Variants in ZMYND8 observed in about 807,000 individuals in gnomAD.
ZMYND8 encodes the protein MYND-type zinc finger-containing chromatin reader ZMYND8.
ZMYND8 carries 37 observed loss-of-function variants against 140.8 expected under a neutral mutation model. The ratio of observed to expected loss-of-function variants is 0.26; its 90% CI spans 0.20 to 0.35. ZMYND8 has a LOEUF of 0.35. ZMYND8 is among the 10% of genes least tolerant of loss of function. The probability of loss-of-function intolerance (pLI) is 1.00; values close to 1 mark genes in which losing one functional copy is unlikely to be tolerated. For synonymous variants in ZMYND8, 592 were observed against 597.1 expected, an observed-to-expected ratio of 0.99 and a Z score of 0.12; for missense variants, 1,068 against 1,570.0, an observed-to-expected ratio of 0.68 and a Z score of 5.40.
At chr20:47,325,140 G>A (rs2080307441) in intron 2 of ZMYND8, among the ~76,000 whole-genome samples, 1 of 152,106 alleles carries the variant, frequency 6.6e-6, no homozygotes, top group Non-Finnish European at 1.5e-5. Context: ...CCTGACCTCA[G>A]GTGATTCACC....
intron 21 of ZMYND8, among the ~76,000 whole-genome samples, chr20:47,215,335 T>C (rs1464309687): frequency 1.3e-5 from 2 of 152,142 alleles, no homozygotes; most frequent in South Asian, 4.1e-4. Context: ...ATTGCACCAC[T>C]GCACTCCAGC....
chr20:47,294,898 CTTG>C (rs1483487409), intron 4 of ZMYND8, 119 bp from the exon 5 acceptor site: 2 of 872,284 alleles, frequency 2.3e-6, no homozygotes, highest in Non-Finnish European at 3.7e-6. Flanking sequence ...CCCAATGAGA[CTTG>C]TTGTTTCACT....
intron 14 of ZMYND8, 54 bp downstream of exon 14, chr20:47,245,954 G>T: frequency 6.5e-7 from 1 of 1,530,362 alleles, no homozygotes; most frequent in Non-Finnish European, 8.7e-7. Context: ...GTAAGTGTAC[G>T]AGGTAGGATT....
At chr20:47,219,396 C>T (rs973257872) in intron 21 of ZMYND8, among the ~76,000 whole-genome samples, 2 of 151,510 alleles carry the variant, frequency 1.3e-5, no homozygotes, top group Non-Finnish European at 2.9e-5. Flanking sequence ...CATGGTGGTG[C>T]GTCCCTGTAG....
rs1396776425 is a variant in ZMYND8, at chr20:47,215,734, G to A, written c.3485-3009C>T. On this transcript the variant is annotated intron_variant, in intron 21 of 22. Coordinates refer to ENST00000471951, the MANE Select transcript of ZMYND8 (RefSeq NM_001281775.3). Reference sequence around the variant, plus strand: ...AGGAAGGAGACAGGACAGGTCTTAAGCTATGCCATTCAATATGGTAACCAC... The same window carrying A: ...AGGAAGGAGACAGGACAGGTCTTAAACTATGCCATTCAATATGGTAACCAC... 4.6e-5 allele frequency among the ~76,000 whole-genome samples: 7 copies of A among 152,276 alleles called. No homozygotes were observed. The East Asian group carries it at 1.4e-3, about 29-fold the overall frequency.
intron 11 of ZMYND8, among the ~76,000 whole-genome samples, chr20:47,269,340 G>A (rs118109246): frequency 5.3e-5 from 8 of 152,346 alleles, no homozygotes; most frequent in Non-Finnish European, 1.0e-4. Flanking sequence ...GCACAGAACA[G>A]CCTCACAATA....
At chr20:47,275,412 T>C (rs1414356472) in intron 11 of ZMYND8, among the ~76,000 whole-genome samples, 1 of 151,270 alleles carries the variant, frequency 6.6e-6, no homozygotes, top group Admixed American at 6.6e-5. Context: ...GACAATCACT[T>C]GAACCCAGGA....
intron 11 of ZMYND8, among the ~76,000 whole-genome samples, chr20:47,264,102 C>T (rs1255526080): frequency 1.3e-5 from 2 of 152,128 alleles, no homozygotes; most frequent in African/African-American, 2.4e-5. Context: ...TGGCCCCAAA[C>T]GTCAAAAGTG....
At position 47,210,616 on chromosome 20, in the gene ZMYND8, C is replaced by A. The variant is rs2035103822; in HGVS notation, c.*145G>T. ...CTGGGTGTCCTGTAGTGTAGCAGCCCCCGCGCCGGGGGCTCAGGCTCAACT... is the reference window on the plus strand; with the variant it reads ...CTGGGTGTCCTGTAGTGTAGCAGCCACCGCGCCGGGGGCTCAGGCTCAACT... On this transcript the variant is annotated 3_prime_UTR_variant, in exon 23 of 23. Transcript: ENST00000471951. 7.5e-7 allele frequency: 1 copy of A among 1,326,110 alleles called. No individual in the cohort carries two copies. Among genetic ancestry groups the A allele is most frequent in the East Asian group, 2.3e-5 (1 of 42,892 alleles). 82.1% of individuals were successfully genotyped at this position (1,326,110 alleles called of 1,614,324 possible).
chr20:47,310,130 G>A lies in ZMYND8; in HGVS notation c.160C>T (p.Pro54Ser). The stretch of plus-strand genomic sequence containing the variant: ...ATGGGGCTTGTTGATGTGTCCTGCG[G>A]CGAGTGGCCATTGGAAGAATGTGGA... Reference protein sequence around the residue: ...SPPHSSNGHSPQDTSTSPIKK... With the variant: ...SPPHSSNGHSSQDTSTSPIKK... Residue 54 changes from proline (P) to serine (S), a missense_variant, in exon 3 of 23, where the codon CCG becomes TCG. Around this residue, in one of 10 missense-constraint regions of ZMYND8, gnomAD observed 77 missense variants for 85.1 expected, o/e 0.91. Coordinates refer to ENST00000471951, the MANE Select transcript of ZMYND8 (RefSeq NM_001281775.3). The A allele has an allele frequency of 6.2e-7, 1 of 1,613,904 alleles. No individual in the cohort carries two copies. Among genetic ancestry groups the A allele is most frequent in the Non-Finnish European group, 8.5e-7 (1 of 1,179,994 alleles).
chr20:47,301,665 G>T (rs2078057152), intron 3 of ZMYND8, among the ~76,000 whole-genome samples: 1 of 151,858 alleles, frequency 6.6e-6, no homozygotes, highest in Admixed American at 6.6e-5. Flanking sequence ...AATCAAAAAT[G>T]CTCCAAAATC....
At position 47,209,249 on chromosome 20, in the gene ZMYND8, A is replaced by C. The variant is rs1196476736; in HGVS notation, c.*1512T>G. The C allele has an allele frequency of 6.6e-6, 1 of 151,878 alleles. No individual in the cohort carries two copies. 9.4% of individuals were successfully genotyped at this position (151,878 alleles called of 1,614,324 possible). A position where few individuals can be genotyped will look rare whatever the true frequency, so the allele number is the denominator to read the frequency against. On this transcript the variant is annotated 3_prime_UTR_variant, in exon 23 of 23. Transcript: ENST00000471951. ...AAAACAGTTTAATTAAAAAAAGGTAAAGAAATCTGAAAAAACTGGGGGGGT... is the reference window on the plus strand; with the variant it reads ...AAAACAGTTTAATTAAAAAAAGGTACAGAAATCTGAAAAAACTGGGGGGGT...
At chr20:47,285,789 G>A (rs183054105) in intron 8 of ZMYND8, 1 of 984,618 alleles carries the variant, frequency 1.0e-6, no homozygotes, top group East Asian at 1.1e-4. Context: ...ATACTATACA[G>A]CCATGAAAAA....
intron 15 of ZMYND8, chr20:47,237,359 T>C (rs1172832845): frequency 6.6e-6 from 1 of 151,580 alleles, no homozygotes; most frequent in African/African-American, 2.4e-5. Context: ...GGTTTCACCA[T>C]GTTGACTGGG....
intron 19 of ZMYND8, among the ~76,000 whole-genome samples, chr20:47,222,240 A>C (rs542931700): frequency 8.1e-4 from 123 of 152,368 alleles, no homozygotes; most frequent in Non-Finnish European, 1.2e-3. Context: ...CACATAGAAA[A>C]ACAGGGCGTT....
At chr20:47,242,462 C>T (rs2040086483) in intron 14 of ZMYND8, among the ~76,000 whole-genome samples, 2 of 152,170 alleles carry the variant, frequency 1.3e-5, no homozygotes, top group Admixed American at 6.5e-5. Flanking sequence ...TGAACTGGGC[C>T]CTTCTAAGAG....
At chr20:47,215,943 G>T (rs1268721883) in intron 21 of ZMYND8, among the ~76,000 whole-genome samples, 1 of 152,156 alleles carries the variant, frequency 6.6e-6, no homozygotes, top group Non-Finnish European at 1.5e-5. Flanking sequence ...GATAGATGAG[G>T]ATATTTAAGT....
At chr20:47,353,945 T>C (rs1382359034) in intron 1 of ZMYND8, 1 of 152,128 alleles carries the variant, frequency 6.6e-6, no homozygotes, top group Non-Finnish European at 1.5e-5. Context: ...GCCACTGCAA[T>C]TGTCAATCTT....
At chr20:47,242,134 G>T (rs2040047188) in intron 14 of ZMYND8, among the ~76,000 whole-genome samples, 1 of 152,150 alleles carries the variant, frequency 6.6e-6, no homozygotes, top group Admixed American at 6.5e-5. Flanking sequence ...GTCTTTTTAA[G>T]ATCAGTATTA....
Sources: gnomAD v4.1 joint callset for allele counts (sites outside exome capture counted in the v4.1 genomes callset) on GRCh38, gnomAD v4.1.1 for gene constraint, gnomAD v4.1.1 regional missense constraint, MANE v1.5 for transcripts, NCBI Gene and HGNC (gene_info 2026-07-23, HGNC 2026-07-21) for gene names.